Variants in PLCB1 observed in about 807,000 individuals in gnomAD.
The protein encoded by PLCB1 is phospholipase C beta 1.
In PLCB1, 46 loss-of-function variants were observed where a neutral mutation model predicts 161.8. That is an observed-to-expected ratio of 0.28 (90% CI 0.22 to 0.36). The LOEUF (loss-of-function observed/expected upper bound fraction) is 0.36, where lower values mean the gene tolerates loss of function less well. PLCB1 is among the 10% of genes least tolerant of loss of function. The pLI is 1.00. For missense variants in PLCB1, 1,016 were observed against 1,472.5 expected, an observed-to-expected ratio of 0.69 and a Z score of 5.07; for synonymous variants, 517 against 503.7, an observed-to-expected ratio of 1.03 and a Z score of -0.35.
intron 3 of PLCB1, among the ~76,000 whole-genome samples, chr20:8,428,713 A>G: frequency 6.6e-6 from 1 of 152,082 alleles, no homozygotes; most frequent in Admixed American, 6.5e-5. Context: ...AGGAAGTTCT[A>G]CCTGGTTCAA....
At chr20:8,674,079 A>C (rs1452045436) in intron 9 of PLCB1, among the ~76,000 whole-genome samples, 1 of 152,218 alleles carries the variant, frequency 6.6e-6, no homozygotes, top group Non-Finnish European at 1.5e-5. Context: ...ACCTTCAAGT[A>C]CATGTTTTGT....
intron 2 of PLCB1, among the ~76,000 whole-genome samples, chr20:8,246,441 G>A (rs1023952631): frequency 6.6e-6 from 1 of 151,916 alleles, no homozygotes; most frequent in Non-Finnish European, 1.5e-5. Context: ...GGTTTCAAGA[G>A]AGAATGTAGA....
At chr20:8,204,533 T>A (rs897442938) in intron 2 of PLCB1, among the ~76,000 whole-genome samples, 1 of 151,970 alleles carries the variant, frequency 6.6e-6, no homozygotes, top group Non-Finnish European at 1.5e-5. Flanking sequence ...TGGGGGCAGA[T>A]CCCTCATGGC....
intron 3 of PLCB1, among the ~76,000 whole-genome samples, chr20:8,509,960 G>A (rs1231956287): frequency 6.6e-6 from 1 of 152,092 alleles, no homozygotes; most frequent in African/African-American, 2.4e-5. Context: ...TAATTATAAT[G>A]TTATCTTCTT....
At chr20:8,588,514 G>A (rs1243391843) in intron 3 of PLCB1, among the ~76,000 whole-genome samples, 1 of 152,130 alleles carries the variant, frequency 6.6e-6, no homozygotes, top group Non-Finnish European at 1.5e-5. Flanking sequence ...AATGTTAAAT[G>A]AGGTCATAAG....
At chr20:8,427,212 G>A (rs1462418631) in intron 3 of PLCB1, among the ~76,000 whole-genome samples, 2 of 152,056 alleles carry the variant, frequency 1.3e-5, no homozygotes, top group Admixed American at 6.5e-5. Flanking sequence ...TGCCCAGCCA[G>A]AAAAAGATTA....
chr20:8,827,366 C>G (rs1446170982), intron 31 of PLCB1, among the ~76,000 whole-genome samples: 2 of 152,140 alleles, frequency 1.3e-5, no homozygotes, highest in Non-Finnish European at 2.9e-5. Flanking sequence ...GTTGTCTCCC[C>G]AGAGTTATGG....
intron 2 of PLCB1, among the ~76,000 whole-genome samples, chr20:8,265,668 A>G (rs1290279489): frequency 6.6e-6 from 1 of 152,174 alleles, no homozygotes; most frequent in Non-Finnish European, 1.5e-5. Context: ...AATTTCCAGA[A>G]TGGTGGAACA....
intron 3 of PLCB1, among the ~76,000 whole-genome samples, chr20:8,540,625 A>T (rs1424487833): frequency 6.6e-6 from 1 of 152,076 alleles, no homozygotes; most frequent in African/African-American, 2.4e-5. Flanking sequence ...ATTACTCCAC[A>T]TGTCTAAGTT....
intron 9 of PLCB1, among the ~76,000 whole-genome samples, chr20:8,660,614 T>G (rs1390454916): frequency 6.6e-6 from 1 of 152,104 alleles, no homozygotes; most frequent in Admixed American, 6.6e-5. Flanking sequence ...GAAAAAATTG[T>G]GATAGATTAC....
At chr20:8,601,280 G>A (rs1464670783) in intron 3 of PLCB1, among the ~76,000 whole-genome samples, 1 of 152,164 alleles carries the variant, frequency 6.6e-6, no homozygotes, top group Non-Finnish European at 1.5e-5. Context: ...AGGTAAACTT[G>A]TGTCATGGGG....
At chr20:8,539,271 C>T (rs1157304876) in intron 3 of PLCB1, among the ~76,000 whole-genome samples, 1 of 152,130 alleles carries the variant, frequency 6.6e-6, no homozygotes, top group East Asian at 1.9e-4. Flanking sequence ...ATGCTAAGAC[C>T]TAGTATCTTG....
chr20:8,802,315 C>A (rs1029278258), intron 31 of PLCB1: 2 of 573,938 alleles, frequency 3.5e-6, no homozygotes, highest in Non-Finnish European at 6.2e-6. Flanking sequence ...AAGTTCCCAG[C>A]CACACCCATG....
intron 4 of PLCB1, among the ~76,000 whole-genome samples, chr20:8,630,748 A>C (rs942912469): frequency 6.6e-6 from 1 of 152,242 alleles, no homozygotes; most frequent in African/African-American, 2.4e-5. Context: ...AACATGCAAT[A>C]AATGGCAGTG....
At chr20:8,765,775 T>C (rs926911118) in intron 26 of PLCB1, among the ~76,000 whole-genome samples, 5 of 151,958 alleles carry the variant, frequency 3.3e-5, no homozygotes, top group Non-Finnish European at 7.4e-5. Flanking sequence ...GCAACTTCTG[T>C]CTCCAGAGTT....
chr20:8,756,790 G>A (rs546299899), intron 23 of PLCB1, among the ~76,000 whole-genome samples: 1 of 152,320 alleles, frequency 6.6e-6, no homozygotes, highest in East Asian at 1.9e-4. Context: ...CTGGTCCAGA[G>A]TCAGTGTGGA....
At chr20:8,380,838 A>G (rs1350300270) in intron 3 of PLCB1, among the ~76,000 whole-genome samples, 2 of 152,080 alleles carry the variant, frequency 1.3e-5, no homozygotes, top group Non-Finnish European at 2.9e-5. Context: ...CTTAAGGAAT[A>G]TTGGGGTTGA....
rs1248095984 is a variant in PLCB1, at chr20:8,733,290, C to T, written c.1941C>T (p.Gly647=). Reference sequence around the variant, plus strand: ...TGTATGAATACAACGGGAAGAGTGGCTACAGATTGAAGCCAGAGTTCATGA... The same window carrying T: ...TGTATGAATACAACGGGAAGAGTGGTTACAGATTGAAGCCAGAGTTCATGA... ...MGMYEYNGKS[G]YRLKPEFMRR... is the part of the protein sequence containing the mutation. The change falls in exon 19 of 32, where the codon GGC becomes GGT. Residue 647 remains glycine, a synonymous_variant. Coordinates refer to ENST00000338037, the MANE Select transcript of PLCB1 (RefSeq NM_015192.4). 3 of 1,613,764 alleles carry T rather than the reference C, an allele frequency of 1.9e-6. No individual in the cohort carries two copies. Among genetic ancestry groups the T allele is most frequent in the Middle Eastern group, 1.6e-4 (1 of 6,082 alleles).
At chr20:8,616,793 G>A (rs1346873279) in intron 3 of PLCB1, among the ~76,000 whole-genome samples, 5 of 152,174 alleles carry the variant, frequency 3.3e-5, no homozygotes, top group African/African-American at 4.8e-5. Context: ...AGCTGCATAA[G>A]TCATCAAACT....
Sources: gnomAD v4.1 joint callset for allele counts (sites outside exome capture counted in the v4.1 genomes callset) on GRCh38, gnomAD v4.1.1 for gene constraint, MANE v1.5 for transcripts, NCBI Gene and HGNC (gene_info 2026-07-23, HGNC 2026-07-21) for gene names.